CHST9: variants seen among roughly 807,000 people sequenced by gnomAD.
CHST9 encodes GalNAc-4-sulfotransferase 2.
In CHST9, 41 loss-of-function variants were observed where a neutral mutation model predicts 44.4. The ratio of observed to expected loss-of-function variants is 0.92; its 90% CI spans 0.72 to 1.20. The LOEUF is 1.20. CHST9 is among the 50% of genes most tolerant of loss of function. The pLI is 0.00. For missense variants in CHST9, 504 were observed against 516.5 expected, an observed-to-expected ratio of 0.98 and a Z score of 0.23; for synonymous variants, 171 against 178.4, an observed-to-expected ratio of 0.96 and a Z score of 0.33.
At chr18:27,112,769 A>G (rs927613967) in intron 2 of CHST9, among the ~76,000 whole-genome samples, 1 of 152,080 alleles carries the variant, frequency 6.6e-6, no homozygotes, top group Non-Finnish European at 1.5e-5. Context: ...TAAAAATAAA[A>G]ATGCTTAGAG....
intron 3 of CHST9, among the ~76,000 whole-genome samples, chr18:27,038,212 T>A (rs1371907083): frequency 6.6e-6 from 1 of 152,194 alleles, no homozygotes; most frequent in African/African-American, 2.4e-5. Flanking sequence ...TGTCTTACTT[T>A]AAAAAATATT....
intron 4 of CHST9, among the ~76,000 whole-genome samples, chr18:26,975,885 T>C (rs560287288): frequency 6.6e-6 from 1 of 151,402 alleles, no homozygotes; most frequent in South Asian, 2.1e-4. Flanking sequence ...CAGAATTTAT[T>C]CACCTTGGGG....
intron 4 of CHST9, among the ~76,000 whole-genome samples, chr18:26,975,759 ATATAT>A (rs2056616245): frequency 4.2e-5 from 4 of 95,672 alleles, no homozygotes; most frequent in Admixed American, 1.3e-4. Context: ...ATATATATAT[ATATAT>A]AACATTTTCT....
At chr18:27,031,890 C>T (rs377091147) in intron 3 of CHST9, among the ~76,000 whole-genome samples, 4 of 152,204 alleles carry the variant, frequency 2.6e-5, no homozygotes, top group East Asian at 3.9e-4. Context: ...AGGAAGGCAA[C>T]GGCACAGGCA....
chr18:27,051,978 T>A (rs184326548), intron 2 of CHST9, among the ~76,000 whole-genome samples: 59 of 152,254 alleles, frequency 3.9e-4, no homozygotes, highest in African/African-American at 1.2e-3. Flanking sequence ...ATGGTAAAGC[T>A]AGCAAGAAAT....
chr18:27,053,269 A>AAGAAGAG (rs1568151239), intron 2 of CHST9, among the ~76,000 whole-genome samples: 7 of 114,280 alleles, frequency 6.1e-5, no homozygotes, highest in African/African-American at 2.1e-4. Flanking sequence ...AAGGAGAAGG[A>AAGAAGAG]GAAGGAGAAG....
intron 2 of CHST9, among the ~76,000 whole-genome samples, chr18:27,142,199 G>A (rs1227170715): frequency 6.6e-6 from 1 of 152,162 alleles, no homozygotes; most frequent in East Asian, 1.9e-4. Context: ...GGCCTGCAAA[G>A]AGTAAAACAT....
intron 2 of CHST9, among the ~76,000 whole-genome samples, chr18:27,123,701 C>G (rs2058394959): frequency 6.6e-6 from 1 of 152,180 alleles, no homozygotes; most frequent in Non-Finnish European, 1.5e-5. Context: ...ATTGTGGCAA[C>G]AGAAGAGAGT....
At chr18:27,170,263 C>T (rs1423055782) in intron 1 of CHST9, among the ~76,000 whole-genome samples, 1 of 152,164 alleles carries the variant, frequency 6.6e-6, no homozygotes, top group Non-Finnish European at 1.5e-5. Context: ...CATTATCTCT[C>T]TTTCTTTCAT....
At position 27,153,566 on chromosome 18, in the gene CHST9, GTA is replaced by G. The variant is rs1184882267; in HGVS notation, c.-96-10663_-96-10662del. Among the ~76,000 whole-genome samples, 66 of 129,934 alleles carry G rather than the reference GTA, an allele frequency of 5.1e-4. No homozygotes were observed. In the East Asian group the frequency reaches 7.3e-3, roughly 14 times the overall value. 85.2% of individuals were successfully genotyped at this position (129,934 alleles called of 152,430 possible). ...TCTCTCTGTGTGTGTGTGTGTGTGT[GTA>G]TGTGTGTGTGTGTGTGTGTGTGCCT... On this transcript the variant is annotated intron_variant, in intron 1 of 5. Coordinates refer to ENST00000618847, the MANE Select transcript of CHST9 (RefSeq NM_031422.6).
chr18:26,944,279 A>G lies in CHST9; in HGVS notation c.240+50T>C, dbSNP rs552500532. ...TTTTTTATATTTACACATGTTTATTAACATTGAAACAAAATTCTATATTAG... is the reference window on the plus strand; with the variant it reads ...TTTTTTATATTTACACATGTTTATTGACATTGAAACAAAATTCTATATTAG... On this transcript the variant is annotated intron_variant, in intron 5 of 5. Transcript: ENST00000618847. The G allele has an allele frequency of 2.2e-6, 3 of 1,387,770 alleles. No homozygotes were observed. The East Asian group carries it at 6.9e-5, about 32-fold the overall frequency. 86.0% of individuals were successfully genotyped at this position (1,387,770 alleles called of 1,614,324 possible). A position where few individuals can be genotyped will look rare whatever the true frequency, so the allele number is the denominator to read the frequency against.
chr18:27,010,143 T>C (rs1274185726), intron 4 of CHST9, among the ~76,000 whole-genome samples: 1 of 152,206 alleles, frequency 6.6e-6, no homozygotes, highest in Non-Finnish European at 1.5e-5. Flanking sequence ...TGTCTGAAGA[T>C]ACGTATTTTT....
intron 1 of CHST9, among the ~76,000 whole-genome samples, chr18:27,160,539 G>A (rs931618120): frequency 6.6e-5 from 10 of 152,076 alleles, no homozygotes; most frequent in South Asian, 2.1e-4. Flanking sequence ...TTTTTGCATC[G>A]ATGTTCATCA....
intron 5 of CHST9, among the ~76,000 whole-genome samples, chr18:26,920,155 AGAG>A (rs2055621410): frequency 6.6e-6 from 1 of 152,224 alleles, no homozygotes; most frequent in African/African-American, 2.4e-5. Context: ...TGTTTTTAAC[AGAG>A]GAGCTCTCCA....
rs2055487169 is a variant in CHST9, at chr18:26,914,651, G to A, written c.*1608C>T. The A allele has an allele frequency of 3.0e-6, 1 of 328,886 alleles. No individual in the cohort carries two copies. The highest frequency in any genetic ancestry group is 4.9e-5 in the Admixed American group (1 of 20,592). 20.4% of individuals were successfully genotyped at this position (328,886 alleles called of 1,614,324 possible). ...CCATTGCAGTTTACTTACTCCTTAG[G>A]AGACACAGATGGGACACGGCAGGTG... On this transcript the variant is annotated 3_prime_UTR_variant, in exon 6 of 6. Transcript: ENST00000618847.
At chr18:27,066,418 T>C (rs937911562) in intron 2 of CHST9, among the ~76,000 whole-genome samples, 6 of 152,200 alleles carry the variant, frequency 3.9e-5, no homozygotes, top group South Asian at 2.1e-4. Flanking sequence ...AATTCACAAC[T>C]CTTAAGTTAT....
At chr18:27,049,093 C>T (rs1293168069) in intron 2 of CHST9, among the ~76,000 whole-genome samples, 8 of 152,122 alleles carry the variant, frequency 5.3e-5, no homozygotes, top group Middle Eastern at 3.4e-3. Flanking sequence ...AGGGTATTTG[C>T]GCAAGAAGAA....
chr18:27,173,671 T>C (rs1424746271), intron 1 of CHST9, among the ~76,000 whole-genome samples: 1 of 152,040 alleles, frequency 6.6e-6, no homozygotes, highest in Non-Finnish European at 1.5e-5. Context: ...GGAATTATTA[T>C]AGAATGTTGA....
chr18:27,032,100 T>C (rs1340560351), intron 3 of CHST9, among the ~76,000 whole-genome samples: 1 of 152,112 alleles, frequency 6.6e-6, no homozygotes, highest in Non-Finnish European at 1.5e-5. Flanking sequence ...GCTTCTAACC[T>C]TTACACCACA....
Sources: allele counts gnomAD v4.1 joint callset (sites outside exome capture counted in the v4.1 genomes callset), GRCh38; gene constraint gnomAD v4.1.1; transcripts MANE v1.5; gene names NCBI Gene and HGNC (gene_info 2026-07-23, HGNC 2026-07-21).